LIN52: variants seen among roughly 807,000 people sequenced by gnomAD.
LIN52 encodes protein lin-52 homolog.
Under a neutral mutation model 18.5 loss-of-function variants are expected in LIN52, and 4 were observed. That is an observed-to-expected ratio of 0.22 (90% CI 0.11 to 0.49). The LOEUF (loss-of-function observed/expected upper bound fraction) is 0.49, where lower values mean the gene tolerates loss of function less well. Ranked by LOEUF, LIN52 falls within the 20% of genes least tolerant of loss-of-function variation. The pLI is 0.97. For synonymous variants in LIN52, 34 were observed against 45.5 expected (o/e 0.75, Z 1.02); for missense variants, 102 against 139.5 (o/e 0.73, Z 1.35).
intron 5 of LIN52, among the ~76,000 whole-genome samples, chr14:74,157,460 T>TATATATATATATA (rs374055679): frequency 6.0e-5 from 6 of 99,520 alleles, no homozygotes; most frequent in African/African-American, 1.8e-4. Flanking sequence ...TATATATATA[T>TATATATATATATA]TTTTTAATTA....
chr14:74,131,579 G>C (rs144553437), intron 5 of LIN52, among the ~76,000 whole-genome samples: 5 of 152,278 alleles, frequency 3.3e-5, no homozygotes, highest in Non-Finnish European at 7.4e-5. Context: ...ACCTCCCAAA[G>C]TGCTGGGATT....
intron 5 of LIN52, among the ~76,000 whole-genome samples, chr14:74,104,055 T>C (rs1350892642): frequency 6.6e-6 from 1 of 151,698 alleles, no homozygotes; most frequent in Admixed American, 6.6e-5. Context: ...CATGCCACCA[T>C]GCCTGGCTAA....
At chr14:74,132,797 G>A (rs906105657) in intron 5 of LIN52, among the ~76,000 whole-genome samples, 12 of 152,154 alleles carry the variant, frequency 7.9e-5, no homozygotes, top group South Asian at 4.1e-4. Flanking sequence ...GTGAGCCACC[G>A]CGCCCAGCCA....
chr14:74,133,848 T>C (rs2061082142), intron 5 of LIN52, among the ~76,000 whole-genome samples: 1 of 152,210 alleles, frequency 6.6e-6, no homozygotes, highest in Non-Finnish European at 1.5e-5. Flanking sequence ...TTGGCCTGTT[T>C]ACAGACAGAA....
chr14:74,176,128 T>G (rs1255184278), intron 5 of LIN52, among the ~76,000 whole-genome samples: 1 of 152,174 alleles, frequency 6.6e-6, no homozygotes, highest in Non-Finnish European at 1.5e-5. Flanking sequence ...AACAGTGCCT[T>G]CTAGAATACC....
Position 74,199,165 on chromosome 14 carries a change from A to G in LIN52, c.*188A>G, listed in dbSNP as rs2078932422. 4.0e-6 allele frequency: 2 copies of G among 501,110 alleles called. No homozygotes were observed. The highest frequency in any genetic ancestry group is 6.8e-5 in the South Asian group (2 of 29,390). 31.0% of individuals were successfully genotyped at this position (501,110 alleles called of 1,614,324 possible). ...CAGCAGCAAGAGAAGAATCTGCTCT[A>G]CCCAAGGATCATTGCAGTTACTCAA... On this transcript the variant is annotated 3_prime_UTR_variant, in exon 6 of 6. Coordinates refer to ENST00000555028, the MANE Select transcript of LIN52 (RefSeq NM_001024674.3).
At chr14:74,086,596 A>G (rs575118011) in intron 1 of LIN52, among the ~76,000 whole-genome samples, 1 of 152,060 alleles carries the variant, frequency 6.6e-6, no homozygotes, top group African/African-American at 2.4e-5. Flanking sequence ...TGGAGGCGGC[A>G]GTGAACCATG....
intron 5 of LIN52, among the ~76,000 whole-genome samples, chr14:74,178,075 C>T (rs763204552): frequency 6.6e-5 from 10 of 152,142 alleles, no homozygotes; most frequent in South Asian, 4.1e-4. Context: ...CCACTGCACC[C>T]GGCCTGTTGT....
chr14:74,102,427 G>A (rs560490003), intron 5 of LIN52, among the ~76,000 whole-genome samples: 1 of 152,258 alleles, frequency 6.6e-6, no homozygotes, highest in Admixed American at 6.5e-5. Context: ...TCAAGATATG[G>A]TTGTTAGCTG....
At chr14:74,170,883 T>A (rs1017244796) in intron 5 of LIN52, among the ~76,000 whole-genome samples, 53 of 27,772 alleles carry the variant, frequency 1.9e-3, no homozygotes, top group Non-Finnish European at 4.3e-3. Flanking sequence ...AAAAAAAAAT[T>A]TTTAAGACAT....
In LIN52 at chr14:74,097,763, G is replaced by T. The variant is rs765251649; in HGVS notation, c.133-31G>T. ...AATAGGGTCTCCTCACACTTTTTAT[G>T]TGTCTGAATGGATATATTATTTTTT... On this transcript the variant is annotated intron_variant, in intron 3 of 5. Transcript: ENST00000555028. 7 of 1,500,960 alleles carry T rather than the reference G, an allele frequency of 4.7e-6. No homozygotes were observed. In the African/African-American group the frequency reaches 9.7e-5, roughly 21 times the overall value. 93.0% of individuals were successfully genotyped at this position (1,500,960 alleles called of 1,614,324 possible).
At chr14:74,115,569 C>T (rs2060959747) in intron 5 of LIN52, among the ~76,000 whole-genome samples, 1 of 152,158 alleles carries the variant, frequency 6.6e-6, no homozygotes, top group South Asian at 2.1e-4. Flanking sequence ...TAGTCATTAG[C>T]TTTGCACCTA....
At chr14:74,180,604 GT>G (rs2061314344) in intron 5 of LIN52, among the ~76,000 whole-genome samples, 1 of 152,032 alleles carries the variant, frequency 6.6e-6, no homozygotes. Context: ...CTCTTTTGGT[GT>G]CTCATTATTT....
intron 3 of LIN52, among the ~76,000 whole-genome samples, chr14:74,096,740 G>GA (rs1375599099): frequency 6.6e-6 from 1 of 151,882 alleles, no homozygotes; most frequent in African/African-American, 2.4e-5. Flanking sequence ...TGAGCACCAA[G>GA]AAAAAAATTA....
intron 5 of LIN52, among the ~76,000 whole-genome samples, chr14:74,127,464 TAGAC>T (rs1860776738): frequency 6.6e-6 from 1 of 152,160 alleles, no homozygotes. Context: ...ACTGGTGAGA[TAGAC>T]AGGTTGGCTC....
intron 2 of LIN52, 142 bp downstream of exon 2, chr14:74,091,448 A>C: frequency 1.7e-6 from 1 of 577,976 alleles, no homozygotes; most frequent in East Asian, 3.0e-5. Flanking sequence ...GGTTGTATAC[A>C]AACTTTAGTG....
chr14:74,114,122 A>G (rs1030130559), intron 5 of LIN52: 9 of 984,194 alleles, frequency 9.1e-6, no homozygotes, highest in Non-Finnish European at 9.6e-6. Context: ...CTGGGACTAC[A>G]GGTGTGAGCC....
intron 5 of LIN52, among the ~76,000 whole-genome samples, chr14:74,149,381 A>G (rs1707899933): frequency 6.6e-6 from 1 of 152,196 alleles, no homozygotes; most frequent in African/African-American, 2.4e-5. Flanking sequence ...AATTCTCTAA[A>G]TTCATAGGTA....
intron 1 of LIN52, among the ~76,000 whole-genome samples, chr14:74,087,920 T>C (rs2060745691): frequency 6.6e-6 from 1 of 152,086 alleles, no homozygotes; most frequent in African/African-American, 2.4e-5. Flanking sequence ...AATTTTTTTT[T>C]AACTTTCTTT....
Sources: allele counts gnomAD v4.1 joint callset (sites outside exome capture counted in the v4.1 genomes callset), GRCh38; gene constraint gnomAD v4.1.1; transcripts MANE v1.5; gene names NCBI Gene and HGNC (gene_info 2026-07-23, HGNC 2026-07-21).